The following SLC12A7 variants were observed in gnomAD, a reference collection of about 807,000 sequenced individuals.
SLC12A7 encodes the protein solute carrier family 12 member 7.
A neutral mutation model predicts 120.6 loss-of-function variants in SLC12A7; 100 were observed. The ratio of observed to expected loss-of-function variants is 0.83; its 90% CI spans 0.71 to 0.98. The LOEUF is 0.98. SLC12A7 is among the 50% of genes least tolerant of loss of function. The pLI is 0.00. For synonymous variants in SLC12A7, 760 were observed against 678.0 expected, an observed-to-expected ratio of 1.12 and a Z score of -1.88; for missense variants, 1,373 against 1,548.1, an observed-to-expected ratio of 0.89 and a Z score of 1.90.
intron 17 of SLC12A7, among the ~76,000 whole-genome samples, chr5:1,065,776 A>G (rs1245768492): frequency 6.6e-6 from 1 of 152,084 alleles, no homozygotes; most frequent in East Asian, 1.9e-4. Flanking sequence ...GCGATCCACA[A>G]CATCCCAGAC....
chr5:1,069,068 G>A (rs750670887), intron 17 of SLC12A7, among the ~76,000 whole-genome samples: 9 of 152,230 alleles, frequency 5.9e-5, no homozygotes, highest in Non-Finnish European at 1.3e-4. Flanking sequence ...CTAAATCCAC[G>A]GGTTCACAGT....
chr5:1,112,012 C>T lies in SLC12A7; in HGVS notation c.-21G>A, dbSNP rs1743056572. ...GGCATGGCCGCCTGCAGCCGACAGT[C>T]CCCGTCCCGGCCCGGCCCGCGCTGC... On this transcript the variant is annotated 5_prime_UTR_variant, in exon 1 of 24. Coordinates refer to ENST00000264930, the MANE Select transcript of SLC12A7 (RefSeq NM_006598.3). 2.4e-6 allele frequency: 3 copies of T among 1,259,332 alleles called. No individual in the cohort carries two copies. The highest frequency in any genetic ancestry group is 3.0e-6 in the Non-Finnish European group (3 of 1,002,034). 78.0% of individuals were successfully genotyped at this position (1,259,332 alleles called of 1,614,324 possible). A position where few individuals can be genotyped will look rare whatever the true frequency, so the allele number is the denominator to read the frequency against.
chr5:1,127,203 C>T, the SLC12A7 span, among the ~76,000 whole-genome samples: 88,228 of 152,040 alleles, frequency 0.58, 27,771 homozygotes, highest in African/African-American at 0.84. Context: ...TTAGTAGAGA[C>T]GGGGTTTCAC....
chr5:1,090,324 G>A (rs958069575), intron 3 of SLC12A7, among the ~76,000 whole-genome samples: 6 of 152,220 alleles, frequency 3.9e-5, no homozygotes, highest in Admixed American at 2.0e-4. Context: ...AGAGCAGCTC[G>A]GAGCGTGGGA....
In SLC12A7 at chr5:1,085,339, G is replaced by C. The variant is rs754702758; in HGVS notation, c.810C>G (p.Val270=). The C allele has an allele frequency of 6.8e-6, 11 of 1,612,512 alleles. No homozygotes were observed. In the South Asian group the frequency reaches 1.1e-4, roughly 16 times the overall value. The change falls in exon 7 of 24, where the codon GTC becomes GTG. Residue 270 remains valine, a synonymous_variant. Coordinates refer to ENST00000264930, the MANE Select transcript of SLC12A7 (RefSeq NM_006598.3). ...CCAGCGCCAGCTTGTTGACATACTTGACGCCCACGAAGACCACCAGGGCCA... is the reference window on the plus strand; with the variant it reads ...CCAGCGCCAGCTTGTTGACATACTTCACGCCCACGAAGACCACCAGGGCCA... The part of the protein sequence containing the change: ...VLMALVVFVG[V]KYVNKLALVF...
intron 11 of SLC12A7, chr5:1,078,404 A>AG: frequency 1.8e-6 from 1 of 560,130 alleles, no homozygotes. Flanking sequence ...AGCAGGGCTG[A>AG]GGGATCTCCC....
intron 2 of SLC12A7, among the ~76,000 whole-genome samples, 198 bp from the exon 3 acceptor site, chr5:1,093,853 C>A (rs1740810764): frequency 6.6e-6 from 1 of 152,190 alleles, no homozygotes; most frequent in African/African-American, 2.4e-5. Context: ...CTGAGTGGGG[C>A]CACCCACCCA....
At chr5:1,067,310 G>A (rs914159610) in intron 17 of SLC12A7, among the ~76,000 whole-genome samples, 15 of 152,262 alleles carry the variant, frequency 9.9e-5, no homozygotes, top group African/African-American at 3.4e-4. Flanking sequence ...GAGACCGGCT[G>A]GAGGCGGACG....
In SLC12A7 at chr5:1,081,579, G is replaced by A; in HGVS notation, c.1295C>T (p.Thr432Ile). The A allele has an allele frequency of 6.3e-7, 1 of 1,598,916 alleles. No homozygotes were observed. The highest frequency in any genetic ancestry group is 8.6e-7 in the Non-Finnish European group (1 of 1,168,266). ...GAAGCCTGGAGCAGCGGGCTCACCG[G>A]TCACGGAAGGGAAGTAGATGCCAAC... is the stretch of plus-strand genomic sequence containing the variant. ...LLVGIYFPSVTGIMAGSNRSG... is the reference protein window; with the variant it reads ...LLVGIYFPSVIGIMAGSNRSG... Residue 432 changes from threonine to isoleucine, a missense_variant and splice_region_variant, in exon 9 of 24, where the codon ACC becomes ATC. By Grantham distance (89) the Thr-to-Ile change is moderately conservative. Transcript: ENST00000264930.
In SLC12A7 at chr5:1,065,364, G is replaced by A. The variant is rs779600572; in HGVS notation, c.2356C>T (p.Leu786=). The A allele has an allele frequency of 2.2e-5, 36 of 1,612,330 alleles. No homozygotes were observed. The highest frequency in any genetic ancestry group is 3.1e-5 in the Non-Finnish European group (36 of 1,179,460). ...GCCATGAGCACCGTGTTGTGCTTCA[G>A]GCCGCCCAGGCCGGCCGACTGGATC... The part of the protein sequence containing the change: ...HLIQSAGLGG[L]KHNTVLMAWP... Residue 786 remains leucine (L), a synonymous_variant, in exon 18 of 24, where the codon CTG becomes TTG. Transcript: ENST00000264930.
chr5:1,095,459 G>A (rs1363505282), intron 1 of SLC12A7, among the ~76,000 whole-genome samples: 1 of 152,196 alleles, frequency 6.6e-6, no homozygotes, highest in Non-Finnish European at 1.5e-5. Context: ...AGGGCCCTCA[G>A]GGCCCTCTGC....
At chr5:1,154,233 T>C in the SLC12A7 span, among the ~76,000 whole-genome samples, 1 of 151,570 alleles carries the variant, frequency 6.6e-6, no homozygotes, top group East Asian at 1.9e-4. Context: ...TAACCTTGTC[T>C]CCAAAGCGTG....
the SLC12A7 span, among the ~76,000 whole-genome samples, chr5:1,136,209 G>A: frequency 1.3e-5 from 2 of 152,128 alleles, no homozygotes; most frequent in South Asian, 2.1e-4. Flanking sequence ...GGAACCATCC[G>A]TGCAATAGAG....
chr5:1,138,592 C>T, the SLC12A7 span, among the ~76,000 whole-genome samples: 1 of 152,218 alleles, frequency 6.6e-6, no homozygotes, highest in Admixed American at 6.5e-5. Context: ...TTAGAGCCCG[C>T]TCACATAAAC....
At chr5:1,142,966 G>A in the SLC12A7 span, among the ~76,000 whole-genome samples, 1 of 151,214 alleles carries the variant, frequency 6.6e-6, no homozygotes, top group Non-Finnish European at 1.5e-5. Context: ...TGGGCCCCAG[G>A]CCCCGGGCCC....
At chr5:1,099,505 G>GACATCAACCCAGCCC (rs1741780680) in intron 1 of SLC12A7, among the ~76,000 whole-genome samples, 47 of 151,660 alleles carry the variant, frequency 3.1e-4, no homozygotes, top group South Asian at 6.2e-4. Flanking sequence ...CCGGGGGACG[G>GACATCAACCCAGCCC]CAGGCATCCT....
At chr5:1,123,134 C>T in the SLC12A7 span, among the ~76,000 whole-genome samples, 50 of 152,318 alleles carry the variant, frequency 3.3e-4, no homozygotes, top group Admixed American at 8.5e-4. Flanking sequence ...CTCGGGCTCC[C>T]GGCAGTGATT....
chr5:1,123,630 C>T, the SLC12A7 span, among the ~76,000 whole-genome samples: 9 of 152,366 alleles, frequency 5.9e-5, no homozygotes, highest in African/African-American at 1.9e-4. Context: ...GGGCGTTCCC[C>T]GCTGAGGGGC....
the SLC12A7 span, among the ~76,000 whole-genome samples, chr5:1,131,746 A>T: frequency 3.9e-5 from 6 of 152,154 alleles, no homozygotes; most frequent in African/African-American, 7.2e-5. Flanking sequence ...GGGTTCCCAG[A>T]TCCTCGTCCA....
Sources: allele counts gnomAD v4.1 joint callset (sites outside exome capture counted in the v4.1 genomes callset), GRCh38; gene constraint gnomAD v4.1.1; transcripts MANE v1.5; gene names NCBI Gene and HGNC (gene_info 2026-07-23, HGNC 2026-07-21).